Variants in CHCHD3 observed in about 807,000 individuals in gnomAD.
The protein encoded by CHCHD3 is MICOS complex subunit MIC19.
A neutral mutation model predicts 38.2 loss-of-function variants in CHCHD3; 20 were observed. The ratio of observed to expected loss-of-function variants is 0.52; its 90% CI spans 0.37 to 0.76. The LOEUF is 0.76. CHCHD3 is among the 30% of genes least tolerant of loss of function. The pLI, the probability that CHCHD3 is intolerant of heterozygous loss-of-function variation, is 0.00. For synonymous variants in CHCHD3, 82 were observed against 100.0 expected, an observed-to-expected ratio of 0.82 and a Z score of 1.07; for missense variants, 245 against 279.2, an observed-to-expected ratio of 0.88 and a Z score of 0.87.
chr7:132,797,150 CCTT>C (rs544645927), intron 6 of CHCHD3, among the ~76,000 whole-genome samples: 152 of 152,306 alleles, frequency 1.0e-3, no homozygotes, highest in African/African-American at 3.5e-3. Flanking sequence ...GCTGGCTGGT[CCTT>C]CTTGACCAGG....
In CHCHD3 at chr7:132,898,921, C is replaced by A. The variant is rs192956194; in HGVS notation, c.370-13176G>T. Among the ~76,000 whole-genome samples, 27 of 152,320 alleles carry A rather than the reference C, an allele frequency of 1.8e-4. No homozygotes were observed. In the East Asian group the frequency reaches 5.0e-3, roughly 28 times the overall value. ...CCGAGTGCAGGGCCCGCCAAGCCCA[C>A]ACCCACCCGGAACTCCAGCTGGCCT... On this transcript the variant is annotated intron_variant, in intron 4 of 7. Coordinates refer to ENST00000262570, the MANE Select transcript of CHCHD3 (RefSeq NM_017812.4).
At chr7:132,965,311 C>T (rs1325609172) in intron 4 of CHCHD3, among the ~76,000 whole-genome samples, 3 of 152,018 alleles carry the variant, frequency 2.0e-5, no homozygotes, top group Non-Finnish European at 4.4e-5. Context: ...GAGTTGTAAC[C>T]CTGGCTCTAT....
rs552644625 is a variant in CHCHD3, at chr7:133,013,094, G to A, written c.251+11452C>T. Among the ~76,000 whole-genome samples the A allele has an allele frequency of 4.8e-5, 7 of 145,578 alleles. No individual in the cohort carries two copies. The East Asian group carries it at 8.1e-4, about 17-fold the overall frequency. ...TCAGCTACTTGGGAGGCTGAGGCAG[G>A]AGAATCGCTTGAACCCAGGAAGCAG... is the stretch of plus-strand genomic sequence containing the variant. On this transcript the variant is annotated intron_variant, in intron 3 of 7. Transcript: ENST00000262570.
chr7:132,904,447 C>T (rs191543977), intron 4 of CHCHD3, among the ~76,000 whole-genome samples: 1 of 152,094 alleles, frequency 6.6e-6, no homozygotes, highest in Admixed American at 6.5e-5. Context: ...TAAGCAATAT[C>T]TCAATATTCT....
intron 4 of CHCHD3, among the ~76,000 whole-genome samples, chr7:132,957,590 C>T (rs1330298846): frequency 6.6e-6 from 1 of 152,158 alleles, no homozygotes; most frequent in African/African-American, 2.4e-5. Context: ...TCAAGCGATT[C>T]TCCTGCCTCA....
At position 132,808,654 on chromosome 7, in the gene CHCHD3, T is replaced by C. The variant is rs114733935; in HGVS notation, c.525-12077A>G. 2.2e-3 allele frequency among the ~76,000 whole-genome samples: 341 copies of C among 152,310 alleles called. 2 individuals are homozygous for C. The highest frequency in any genetic ancestry group is 7.6e-3 in the African/African-American group (316 of 41,562). ...TTGTTTTCTTATCCAAACAAGATTT[T>C]CCTCCTACTTTTCATCAACAGCAAT... On this transcript the variant is annotated intron_variant, in intron 6 of 7. Transcript: ENST00000262570.
intron 5 of CHCHD3, among the ~76,000 whole-genome samples, chr7:132,857,543 G>C (rs556731869): frequency 1.3e-5 from 2 of 152,240 alleles, no homozygotes; most frequent in Admixed American, 1.3e-4. Flanking sequence ...GAATAGTTGG[G>C]ATGACAGACA....
chr7:132,867,291 T>C (rs1397285627), intron 5 of CHCHD3, among the ~76,000 whole-genome samples: 2 of 152,138 alleles, frequency 1.3e-5, no homozygotes, highest in Admixed American at 1.3e-4. Context: ...TTGGCAAAAG[T>C]CTTAAACTGT....
At chr7:132,942,386 T>C (rs1159364940) in intron 4 of CHCHD3, among the ~76,000 whole-genome samples, 2 of 152,196 alleles carry the variant, frequency 1.3e-5, no homozygotes, top group African/African-American at 4.8e-5. Flanking sequence ...GAGTTCTTAA[T>C]GTTGTCATAT....
chr7:132,939,365 C>A (rs768242516), intron 4 of CHCHD3, among the ~76,000 whole-genome samples: 1 of 152,186 alleles, frequency 6.6e-6, no homozygotes, highest in African/African-American at 2.4e-5. Context: ...GAGCCCTATA[C>A]AAGTATACCA....
intron 4 of CHCHD3, among the ~76,000 whole-genome samples, chr7:132,893,487 C>T (rs1809420414): frequency 6.6e-6 from 1 of 152,148 alleles, no homozygotes; most frequent in Non-Finnish European, 1.5e-5. Flanking sequence ...TGGGTTAATG[C>T]TTGAATGAGT....
At position 132,911,472 on chromosome 7, in the gene CHCHD3, G is replaced by A. The variant is rs180813252; in HGVS notation, c.370-25727C>T. ...AAATGGGTCAAGGCAGACACAAGAC[G>A]CTGACAATGGACCTATAAAAAGGCC... On this transcript the variant is annotated intron_variant, in intron 4 of 7. Coordinates refer to ENST00000262570, the MANE Select transcript of CHCHD3 (RefSeq NM_017812.4). Among the ~76,000 whole-genome samples the A allele has an allele frequency of 3.7e-3, 561 of 152,282 alleles. 2 individuals are homozygous for A. Among genetic ancestry groups the A allele is most frequent in the South Asian group, 0.018 (89 of 4,818 alleles).
chr7:133,056,925 T>G (rs539206494), intron 2 of CHCHD3, among the ~76,000 whole-genome samples: 1 of 152,176 alleles, frequency 6.6e-6, no homozygotes, highest in African/African-American at 2.4e-5. Flanking sequence ...GAACACTAAA[T>G]ATACACCACA....
At chr7:133,036,597 G>A (rs1334221176) in intron 2 of CHCHD3, among the ~76,000 whole-genome samples, 1 of 152,174 alleles carries the variant, frequency 6.6e-6, no homozygotes, top group African/African-American at 2.4e-5. Flanking sequence ...TCATGGCAAA[G>A]TATGTTTAAT....
chr7:132,853,911 T>C (rs1182229479), intron 5 of CHCHD3, among the ~76,000 whole-genome samples: 2 of 152,180 alleles, frequency 1.3e-5, no homozygotes, highest in Admixed American at 6.5e-5. Flanking sequence ...TGCAGGTGTC[T>C]AGCACATACA....
intron 4 of CHCHD3, among the ~76,000 whole-genome samples, chr7:132,911,747 C>T (rs1037499755): frequency 3.9e-5 from 6 of 152,206 alleles, no homozygotes; most frequent in African/African-American, 1.4e-4. Flanking sequence ...CTCCATAACC[C>T]TTCTTTTATC....
chr7:133,009,075 G>A (rs1460663618), intron 3 of CHCHD3, among the ~76,000 whole-genome samples: 2 of 151,532 alleles, frequency 1.3e-5, no homozygotes, highest in South Asian at 2.1e-4. Context: ...AACTCAAAAC[G>A]CACAAGGGCT....
intron 6 of CHCHD3, among the ~76,000 whole-genome samples, chr7:132,818,958 TA>T (rs1807273342): frequency 1.3e-5 from 2 of 152,212 alleles, no homozygotes; most frequent in Non-Finnish European, 2.9e-5. Context: ...AGCCCTGTAT[TA>T]ACAGCCTGTA....
chr7:132,954,242 C>A (rs1346604792), intron 4 of CHCHD3, among the ~76,000 whole-genome samples: 7 of 152,140 alleles, frequency 4.6e-5, no homozygotes, highest in African/African-American at 1.2e-4. Flanking sequence ...TCTGCTCCAT[C>A]TTGTGTCCCT....
Sources: gnomAD v4.1 joint callset for allele counts (sites outside exome capture counted in the v4.1 genomes callset) on GRCh38, gnomAD v4.1.1 for gene constraint, MANE v1.5 for transcripts, NCBI Gene and HGNC (gene_info 2026-07-23, HGNC 2026-07-21) for gene names.